The following OXR1 variants were observed in gnomAD, a reference collection of about 807,000 sequenced individuals.
OXR1 encodes oxidation resistance 1, also known as oxidation resistance protein 1.
Under a neutral mutation model 104.6 loss-of-function variants are expected in OXR1, and 41 were observed. The ratio of observed to expected loss-of-function variants is 0.39; its 90% CI spans 0.31 to 0.51. The LOEUF (loss-of-function observed/expected upper bound fraction) is 0.51. OXR1 is among the 20% of genes least tolerant of loss of function. OXR1 has a pLI of 0.77. For missense variants in OXR1, 955 were observed against 1,031.9 expected, an observed-to-expected ratio of 0.93 and a Z score of 1.02; for synonymous variants, 348 against 348.4, an observed-to-expected ratio of 1.00 and a Z score of 0.01.
intron 1 of OXR1, among the ~76,000 whole-genome samples, chr8:106,284,608 A>T (rs140597278): frequency 2.6e-5 from 4 of 152,320 alleles, no homozygotes; most frequent in Admixed American, 2.0e-4. Flanking sequence ...TACATATACC[A>T]TAATACATAT....
rs551544324 is a variant in OXR1, at chr8:106,368,806, C to T, written c.23+9170C>T. On this transcript the variant is annotated intron_variant, in intron 2 of 16. Coordinates refer to ENST00000517566, the MANE Select transcript of OXR1 (RefSeq NM_001198533.2). ...TTTCTTTATCCAGTCTGCAGTTGAT[C>T]GGCATTTGGGTTGGTTCCATGTCTT... 1.1e-4 allele frequency among the ~76,000 whole-genome samples: 17 copies of T among 152,152 alleles called. No homozygotes were observed. The South Asian group carries it at 1.7e-3, about 15-fold the overall frequency.
chr8:106,521,535 C>T (rs560226976), intron 3 of OXR1, among the ~76,000 whole-genome samples: 46 of 147,736 alleles, frequency 3.1e-4, no homozygotes, highest in African/African-American at 5.0e-4. Context: ...TTGTTTGAGA[C>T]GGAGTCTTGC....
At chr8:106,295,438 A>C (rs1812953017) in intron 1 of OXR1, among the ~76,000 whole-genome samples, 1 of 152,156 alleles carries the variant, frequency 6.6e-6, no homozygotes, top group African/African-American at 2.4e-5. Context: ...TACATATTAT[A>C]ATGTATACAT....
chr8:106,465,979 T>C (rs775272476), intron 2 of OXR1, among the ~76,000 whole-genome samples: 14 of 152,044 alleles, frequency 9.2e-5, no homozygotes, highest in Non-Finnish European at 1.3e-4. Context: ...TCAGACATTA[T>C]CTTCTCTAAG....
At chr8:106,700,536 A>G (rs897224143) in intron 7 of OXR1, among the ~76,000 whole-genome samples, 2 of 152,202 alleles carry the variant, frequency 1.3e-5, no homozygotes, top group Non-Finnish European at 2.9e-5. Context: ...ATTCCTGGAA[A>G]GTAACATTAG....
chr8:106,445,073 C>T (rs1819955999), intron 2 of OXR1, among the ~76,000 whole-genome samples: 1 of 152,072 alleles, frequency 6.6e-6, no homozygotes, highest in Non-Finnish European at 1.5e-5. Context: ...ACCAACAGAG[C>T]CATTTATTTA....
At chr8:106,604,852 G>T (rs569553863) in intron 3 of OXR1, 1 of 152,290 alleles carries the variant, frequency 6.6e-6, no homozygotes, top group East Asian at 1.9e-4. Flanking sequence ...AGAAATGATT[G>T]AAGCTGTTTA....
At chr8:106,715,036 A>G (rs1042106451) in intron 11 of OXR1, among the ~76,000 whole-genome samples, 5 of 152,150 alleles carry the variant, frequency 3.3e-5, no homozygotes, top group African/African-American at 1.2e-4. Context: ...TCTTCATACC[A>G]GCTTTATTCA....
chr8:106,659,845 A>C (rs1200057315), intron 3 of OXR1, among the ~76,000 whole-genome samples: 1 of 152,224 alleles, frequency 6.6e-6, no homozygotes, highest in East Asian at 1.9e-4. Context: ...TGTGGAGCAC[A>C]CAGCTATATC....
intron 2 of OXR1, among the ~76,000 whole-genome samples, chr8:106,403,840 T>G (rs1480698443): frequency 6.6e-6 from 1 of 152,226 alleles, no homozygotes; most frequent in African/African-American, 2.4e-5. Flanking sequence ...CTGTGTACAT[T>G]AGAAAACTCA....
At chr8:106,337,394 A>G (rs890451422) in intron 1 of OXR1, among the ~76,000 whole-genome samples, 11 of 152,234 alleles carry the variant, frequency 7.2e-5, no homozygotes, top group Admixed American at 3.9e-4. Context: ...ATTTTATGAG[A>G]TATTTCATTT....
chr8:106,730,456 A>G (rs1833778692), intron 11 of OXR1, among the ~76,000 whole-genome samples: 1 of 151,652 alleles, frequency 6.6e-6, no homozygotes, highest in Non-Finnish European at 1.5e-5. Flanking sequence ...CGTTTTGCAG[A>G]GTGTCATATA....
chr8:106,384,724 C>G (rs1817297423), intron 2 of OXR1, among the ~76,000 whole-genome samples: 1 of 136,698 alleles, frequency 7.3e-6, no homozygotes, highest in South Asian at 2.6e-4. Context: ...TTCTTTTTTT[C>G]TTTTTTCTTT....
chr8:106,349,711 G>A (rs1210374143), intron 1 of OXR1, among the ~76,000 whole-genome samples: 2 of 152,154 alleles, frequency 1.3e-5, no homozygotes, highest in Non-Finnish European at 1.5e-5. Context: ...GAGCTTCGAT[G>A]TTTCAGCACC....
chr8:106,326,180 A>G (rs16874394), intron 1 of OXR1, among the ~76,000 whole-genome samples: 3,663 of 152,294 alleles, frequency 0.024, 55 homozygotes, highest in South Asian at 0.097. Flanking sequence ...CAGTATGTCT[A>G]CCAGTCTCCC....
intron 2 of OXR1, among the ~76,000 whole-genome samples, chr8:106,458,291 T>C (rs565274488): frequency 8.5e-5 from 13 of 152,296 alleles, no homozygotes; most frequent in African/African-American, 3.1e-4. Flanking sequence ...CCCTGCATTC[T>C]GGTGCAGTGC....
intron 2 of OXR1, among the ~76,000 whole-genome samples, chr8:106,432,412 A>G (rs1255999905): frequency 1.3e-5 from 2 of 152,116 alleles, no homozygotes; most frequent in East Asian, 3.9e-4. Flanking sequence ...GCCGTGCTCC[A>G]GGCACTCCTG....
chr8:106,323,096 A>G (rs946013188), intron 1 of OXR1, among the ~76,000 whole-genome samples: 3 of 152,204 alleles, frequency 2.0e-5, no homozygotes, highest in Non-Finnish European at 4.4e-5. Context: ...AATCCTAAGC[A>G]AAAGAACAAA....
chr8:106,695,121 CAT>C (rs1276144527), intron 7 of OXR1, among the ~76,000 whole-genome samples: 2 of 150,424 alleles, frequency 1.3e-5, no homozygotes, highest in Non-Finnish European at 3.0e-5. Flanking sequence ...CTTATTTCTA[CAT>C]GTTATAAACA....
Sources: gnomAD v4.1 joint callset for allele counts (sites outside exome capture counted in the v4.1 genomes callset) on GRCh38, gnomAD v4.1.1 for gene constraint, MANE v1.5 for transcripts, NCBI Gene and HGNC (gene_info 2026-07-23, HGNC 2026-07-21) for gene names.